LRMDA: variants seen among roughly 807,000 people sequenced by gnomAD.
LRMDA encodes leucine rich melanocyte differentiation associated, also known as leucine-rich melanocyte differentiation-associated protein.
Under a neutral mutation model 29.8 loss-of-function variants are expected in LRMDA, and 18 were observed. That is an observed-to-expected ratio of 0.60 (90% CI 0.42 to 0.90). The LOEUF (loss-of-function observed/expected upper bound fraction) is 0.90, where lower values mean the gene tolerates loss of function less well. Among genes scored for constraint, LRMDA ranks in the 40% least tolerant of loss-of-function variants. LRMDA has a pLI of 0.00. For synonymous variants in LRMDA, 125 were observed against 109.4 expected, an observed-to-expected ratio of 1.14 and a Z score of -0.89; for missense variants, 273 against 273.9, an observed-to-expected ratio of 1.00 and a Z score of 0.02.
chr10:75,897,246 A>G (rs977523997), intron 2 of LRMDA, among the ~76,000 whole-genome samples: 1 of 152,242 alleles, frequency 6.6e-6, no homozygotes. Context: ...TTTTCTATCA[A>G]CAATTCTTTT....
chr10:75,686,496 G>C (rs760331893), intron 2 of LRMDA, among the ~76,000 whole-genome samples: 57 of 152,238 alleles, frequency 3.7e-4, no homozygotes, highest in Non-Finnish European at 6.6e-4. Flanking sequence ...ACTCCTGAGA[G>C]ATGGCACTGC....
intron 6 of LRMDA, among the ~76,000 whole-genome samples, chr10:76,422,871 A>G (rs1554820018): frequency 6.6e-6 from 1 of 152,190 alleles, no homozygotes; most frequent in Non-Finnish European, 1.5e-5. Context: ...TTTCCAATGG[A>G]TTTATAGCAA....
chr10:76,265,878 T>C (rs1253973875), intron 5 of LRMDA, among the ~76,000 whole-genome samples: 1 of 152,226 alleles, frequency 6.6e-6, no homozygotes, highest in African/African-American at 2.4e-5. Flanking sequence ...CACCAGACTG[T>C]TCACATTTGC....
intron 2 of LRMDA, among the ~76,000 whole-genome samples, chr10:75,593,501 A>G (rs1469345979): frequency 6.6e-6 from 1 of 152,230 alleles, no homozygotes; most frequent in Admixed American, 6.5e-5. Context: ...CACTTTCTGT[A>G]ATTTATGGAT....
At chr10:75,828,263 G>A (rs1844280009) in intron 2 of LRMDA, among the ~76,000 whole-genome samples, 1 of 152,084 alleles carries the variant, frequency 6.6e-6, no homozygotes, top group African/African-American at 2.4e-5. Context: ...ATATCTTTTT[G>A]CTGCATAAAT....
chr10:75,526,329 T>C (rs969719602), intron 2 of LRMDA, among the ~76,000 whole-genome samples: 1 of 152,088 alleles, frequency 6.6e-6, no homozygotes, highest in Non-Finnish European at 1.5e-5. Context: ...CCTCCCAAAG[T>C]GCTGGGATTA....
chr10:75,788,322 T>C (rs1340885458), intron 2 of LRMDA, among the ~76,000 whole-genome samples: 1 of 152,234 alleles, frequency 6.6e-6, no homozygotes, highest in Non-Finnish European at 1.5e-5. Flanking sequence ...GCTTCTCCTG[T>C]CTTTCTGTAT....
intron 6 of LRMDA, among the ~76,000 whole-genome samples, chr10:76,413,411 A>G (rs1841983148): frequency 6.6e-6 from 1 of 152,208 alleles, no homozygotes; most frequent in African/African-American, 2.4e-5. Context: ...GAGGAGGGCA[A>G]AAGGCACATC....
rs375069939 is a variant in LRMDA, at chr10:75,930,536, TG to T, written c.132-105471del. 1.2e-4 allele frequency among the ~76,000 whole-genome samples: 18 copies of T among 152,336 alleles called. 1 individual carries two copies. The East Asian group carries it at 1.9e-3, about 16-fold the overall frequency. ...GTAAGCAGACATTCGATGATGGTGA[TG>T]ATCATGTCTTTGTTGCTGGTTTCAG... On this transcript the variant is annotated intron_variant, in intron 2 of 6. Coordinates refer to ENST00000611255, the MANE Select transcript of LRMDA (RefSeq NM_001305581.2).
chr10:75,835,567 C>A (rs1844419645), intron 2 of LRMDA, among the ~76,000 whole-genome samples: 1 of 152,142 alleles, frequency 6.6e-6, no homozygotes, highest in Non-Finnish European at 1.5e-5. Context: ...GTTCTCCCAA[C>A]TTTTAGAAGG....
chr10:76,036,793 T>A (rs1025643782), intron 3 of LRMDA, among the ~76,000 whole-genome samples: 1 of 152,134 alleles, frequency 6.6e-6, no homozygotes, highest in Non-Finnish European at 1.5e-5. Context: ...CTCTGGATTC[T>A]GTAGTGGGGA....
At chr10:76,344,075 G>A (rs2132423043) in intron 6 of LRMDA, among the ~76,000 whole-genome samples, 1 of 152,054 alleles carries the variant, frequency 6.6e-6, no homozygotes, top group Admixed American at 6.5e-5. Flanking sequence ...ACCCTCCTCA[G>A]CCTCCCAAAG....
In LRMDA at chr10:76,462,624, G is replaced by T. The variant is rs966925202; in HGVS notation, c.602-94585G>T. ...AGGTACACAGTTCTTCTGGCATCCC[G>T]CACCATCTTTGCCTGTGCTGAGTGG... is the stretch of plus-strand genomic sequence containing the variant. On this transcript the variant is annotated intron_variant, in intron 6 of 6. Transcript: ENST00000611255. 2.6e-4 allele frequency among the ~76,000 whole-genome samples: 39 copies of T among 152,102 alleles called. 1 individual carries two copies. Among genetic ancestry groups the T allele is most frequent in the Non-Finnish European group, 2.6e-4 (18 of 68,020 alleles).
intron 5 of LRMDA, among the ~76,000 whole-genome samples, chr10:76,283,827 G>A (rs1840236830): frequency 6.6e-6 from 1 of 152,102 alleles, no homozygotes. Flanking sequence ...GTGTTTCACT[G>A]CTTTTCTTTT....
At position 76,558,179 on chromosome 10, in the gene LRMDA, A is replaced by C. The variant is rs573066097; in HGVS notation, c.*891A>C. The C allele has an allele frequency of 2.0e-5, 3 of 152,358 alleles. No individual in the cohort carries two copies. Among genetic ancestry groups the C allele is most frequent in the Admixed American group, 2.0e-4 (3 of 15,296 alleles). The allele number at this position is 152,358 out of a possible 1,614,324, so 9.4% of individuals were successfully genotyped here. ...CACACTTCCAGTGATGCCTGTGGCC[A>C]TACTTGTGCGTGGGGCTGGCTTGCT... On this transcript the variant is annotated 3_prime_UTR_variant, in exon 7 of 7. Coordinates refer to ENST00000611255, the MANE Select transcript of LRMDA (RefSeq NM_001305581.2).
chr10:76,125,547 G>A (rs1217986321), intron 5 of LRMDA, among the ~76,000 whole-genome samples: 1 of 152,154 alleles, frequency 6.6e-6, no homozygotes, highest in Non-Finnish European at 1.5e-5. Flanking sequence ...TTGAACCATT[G>A]ATGCCTGAGT....
intron 2 of LRMDA, among the ~76,000 whole-genome samples, chr10:75,821,539 A>G (rs1844157949): frequency 6.6e-6 from 1 of 152,140 alleles, no homozygotes; most frequent in African/African-American, 2.4e-5. Flanking sequence ...GGAGGCTGAG[A>G]TGGGTGGATC....
intron 5 of LRMDA, among the ~76,000 whole-genome samples, chr10:76,161,184 G>A (rs1190339847): frequency 6.6e-6 from 1 of 152,140 alleles, no homozygotes; most frequent in East Asian, 1.9e-4. Flanking sequence ...AAGGGAAAGA[G>A]ATCTTGTCTC....
chr10:75,769,793 G>A (rs1293980912), intron 2 of LRMDA, among the ~76,000 whole-genome samples: 1 of 152,128 alleles, frequency 6.6e-6, no homozygotes, highest in African/African-American at 2.4e-5. Flanking sequence ...TCAAGAACTG[G>A]CCAATATGGT....
Sources: allele counts gnomAD v4.1 joint callset (sites outside exome capture counted in the v4.1 genomes callset), GRCh38; gene constraint gnomAD v4.1.1; transcripts MANE v1.5; gene names NCBI Gene and HGNC (gene_info 2026-07-23, HGNC 2026-07-21).